Variants in SLC29A4 observed in about 807,000 individuals in gnomAD.
SLC29A4 encodes equilibrative nucleoside transporter 4.
SLC29A4 carries 36 observed loss-of-function variants against 43.9 expected under a neutral mutation model. The observed-to-expected ratio is 0.82, with a 90% CI of 0.63 to 1.08. The LOEUF (loss-of-function observed/expected upper bound fraction) is 1.08. Ranked by LOEUF, SLC29A4 falls within the 50% of genes least tolerant of loss-of-function variation. The probability of loss-of-function intolerance (pLI) is 0.00; values close to 1 mark genes in which losing one functional copy is unlikely to be tolerated. For synonymous variants in SLC29A4, 491 were observed against 338.0 expected (o/e 1.45, Z -4.97); for missense variants, 869 against 755.3 (o/e 1.15, Z -1.77).
chr7:5,301,610 G>A (rs1299098716), intron 10 of SLC29A4, among the ~76,000 whole-genome samples: 1 of 152,234 alleles, frequency 6.6e-6, no homozygotes, highest in Non-Finnish European at 1.5e-5. Context: ...TGGGCATGGA[G>A]GTGAGTGAGG....
chr7:5,297,239 CTTCTCTGTCCCCA>C lies in SLC29A4; in HGVS notation c.882+42_882+54del, dbSNP rs1785768491. 5 of 1,488,772 alleles carry C rather than the reference CTTCTCTGTCCCCA, an allele frequency of 3.4e-6. No homozygotes were observed. The East Asian group carries it at 1.2e-4, about 36-fold the overall frequency. 92.2% of individuals were successfully genotyped at this position (1,488,772 alleles called of 1,614,324 possible). ...CCACCTCTGTTCCCTTCTCTGTCCCCTTCTCTGTCCCCACCGCTTCGTCGGGAAGTACCTGGGG... is the reference window on the plus strand; with the variant it reads ...CCACCTCTGTTCCCTTCTCTGTCCCCCCGCTTCGTCGGGAAGTACCTGGGG... On this transcript the variant is annotated intron_variant, in intron 7 of 10. Transcript: ENST00000396872.
At chr7:5,300,728 A>G in intron 10 of SLC29A4, 66 bp downstream of exon 10, 50 of 1,569,406 alleles carry the variant, frequency 3.2e-5, no homozygotes, top group Non-Finnish European at 4.3e-5. Context: ...CTCGCGAGGA[A>G]ACCCAGGCTA....
At chr7:5,291,005 C>T (rs1785267993) in intron 3 of SLC29A4, 119 bp from the exon 4 acceptor site, 1 of 1,522,550 alleles carries the variant, frequency 6.6e-7, no homozygotes, top group East Asian at 2.3e-5. Flanking sequence ...GCTGAGTGAC[C>T]TCAGGGCAGC....
At chr7:5,288,298 C>CTTTTTTTTTTTTTT (rs34436127) in intron 2 of SLC29A4, among the ~76,000 whole-genome samples, 1 of 68,756 alleles carries the variant, frequency 1.5e-5, no homozygotes, top group Non-Finnish European at 2.6e-5. Context: ...CGTACAGCTT[C>CTTTTTTTTTTTTTT]TTTTTTTTTT....
At position 5,296,998 on chromosome 7, in the gene SLC29A4, C is replaced by G. The variant is rs1395401364; in HGVS notation, c.682C>G (p.Arg228Gly). ...CACGAAGCTGCTGCTGCCCGACGAG[C>G]GCGCCAGCACGCTCATCTTCTTCCT... ...ILTKLLLPDE[R>G]ASTLIFFLVS... The change falls in exon 7 of 11, where the codon CGC (arginine) becomes GGC (glycine). Residue 228 changes from arginine to glycine, a missense_variant. Transcript: ENST00000396872. The G allele has an allele frequency of 5.0e-6, 8 of 1,604,036 alleles. No individual in the cohort carries two copies. Among genetic ancestry groups the G allele is most frequent in the Admixed American group, 1.7e-5 (1 of 59,942 alleles).
Position 5,296,995 on chromosome 7 carries a change from G to C in SLC29A4, c.679G>C (p.Glu227Gln). 2.5e-6 allele frequency: 4 copies of C among 1,604,018 alleles called. No individual in the cohort carries two copies. Among genetic ancestry groups the C allele is most frequent in the Non-Finnish European group, 3.4e-6 (4 of 1,179,608 alleles). Residue 227 changes from glutamate to glutamine, a missense_variant, in exon 7 of 11, where the codon GAG becomes CAG. Glu to Gln is a conservative substitution (Grantham distance 29, BLOSUM62 2). Coordinates refer to ENST00000396872, the MANE Select transcript of SLC29A4 (RefSeq NM_153247.4). ...RILTKLLLPD[E>Q]RASTLIFFLV... The stretch of plus-strand genomic sequence containing the variant: ...CCTCACGAAGCTGCTGCTGCCCGAC[G>C]AGCGCGCCAGCACGCTCATCTTCTT...
At chr7:5,302,010 G>A (rs988714033) in intron 10 of SLC29A4, among the ~76,000 whole-genome samples, 2 of 152,146 alleles carry the variant, frequency 1.3e-5, no homozygotes, top group African/African-American at 2.4e-5. Flanking sequence ...GAGTGCAGTG[G>A]CACGATCTCA....
intron 10 of SLC29A4, 127 bp from the exon 11 acceptor site, chr7:5,302,670 G>C (rs1212959513): frequency 7.7e-6 from 7 of 905,522 alleles, no homozygotes; most frequent in African/African-American, 1.7e-5. Flanking sequence ...CAGGAGGAGC[G>C]ATGGGGCAGC....
chr7:5,288,503 A>T (rs1785104803), intron 2 of SLC29A4, among the ~76,000 whole-genome samples: 1 of 151,172 alleles, frequency 6.6e-6, no homozygotes, highest in Non-Finnish European at 1.5e-5. Context: ...ACGGGGTTTC[A>T]CCGTGGTCTC....
chr7:5,297,005 G>A lies in SLC29A4; in HGVS notation c.689G>A (p.Ser230Asn). Reference sequence around the variant, plus strand: ...CTGCTGCTGCCCGACGAGCGCGCCAGCACGCTCATCTTCTTCCTGGTGTCG... The same window carrying A: ...CTGCTGCTGCCCGACGAGCGCGCCAACACGCTCATCTTCTTCCTGGTGTCG... Reference protein sequence around the residue: ...TKLLLPDERASTLIFFLVSVA... With the variant: ...TKLLLPDERANTLIFFLVSVA... The change falls in exon 7 of 11, where the codon AGC becomes AAC. Residue 230 changes from serine (S) to asparagine (N), a missense_variant. By Grantham distance (46) the Ser-to-Asn change is conservative. Coordinates refer to ENST00000396872, the MANE Select transcript of SLC29A4 (RefSeq NM_153247.4). 1 of 1,604,990 alleles carries A rather than the reference G, an allele frequency of 6.2e-7. No homozygotes were observed. The highest frequency in any genetic ancestry group is 1.1e-5 in the South Asian group (1 of 91,006).
At chr7:5,296,141 C>T (rs542552102) in intron 6 of SLC29A4, among the ~76,000 whole-genome samples, 2 of 152,196 alleles carry the variant, frequency 1.3e-5, no homozygotes, top group Non-Finnish European at 2.9e-5. Context: ...CCAGGCTGCA[C>T]TCCCGGCCCT....
intron 10 of SLC29A4, among the ~76,000 whole-genome samples, chr7:5,301,992 C>G (rs1033231888): frequency 2.6e-5 from 4 of 152,138 alleles, no homozygotes; most frequent in African/African-American, 7.2e-5. Context: ...GCTCTGTTCC[C>G]CAGGCTGGAG....
Position 5,302,847 on chromosome 7 carries a change from G to A in SLC29A4, c.1501G>A (p.Val501Met), listed in dbSNP as rs1160398100. ...YMSGLTLGSA[V>M]AYCTYSLTRD... is the part of the protein sequence containing the mutation. ...GTCAGGGCTGACGCTGGGGTCCGCC[G>A]TGGCCTACTGCACCTACAGCCTCAC... Residue 501 changes from valine (V) to methionine (M), a missense_variant, in exon 11 of 11, where the codon GTG becomes ATG. By Grantham distance (21) the Val-to-Met change is conservative. Coordinates refer to ENST00000396872, the MANE Select transcript of SLC29A4 (RefSeq NM_153247.4). 3.1e-6 allele frequency: 5 copies of A among 1,590,692 alleles called. No homozygotes were observed. The highest frequency in any genetic ancestry group is 1.1e-5 in the South Asian group (1 of 87,294).
chr7:5,290,938 C>A (rs1218991674), intron 3 of SLC29A4, 75 bp downstream of exon 3: 1 of 1,556,070 alleles, frequency 6.4e-7, no homozygotes, highest in African/African-American at 1.4e-5. Flanking sequence ...AAACCCCCGG[C>A]GGGGAGGGTC....
At chr7:5,288,798 A>G (rs6958502) in intron 2 of SLC29A4, among the ~76,000 whole-genome samples, 124,493 of 152,068 alleles carry the variant, frequency 0.82, 51,468 homozygotes, top group African/African-American at 0.89. Flanking sequence ...ACCACATTGA[A>G]GAATTGGGCC....
chr7:5,286,901 C>G (rs905521071), intron 1 of SLC29A4, among the ~76,000 whole-genome samples: 1 of 152,224 alleles, frequency 6.6e-6, no homozygotes, highest in African/African-American at 2.4e-5. Context: ...CAGCGCGGTG[C>G]AGGCACGCGT....
rs77039967 is a variant in SLC29A4, at chr7:5,287,933, G to A, written c.117G>A (p.Ala39=). The A allele has an allele frequency of 0.024, 38,080 of 1,611,404 alleles. 1,313 individuals are homozygous for A. The highest frequency in any genetic ancestry group is 0.13 in the East Asian group (5,879 of 44,870). The change falls in exon 2 of 11, where the codon GCG becomes GCA. Residue 39 remains alanine (A), a synonymous_variant. Coordinates refer to ENST00000396872, the MANE Select transcript of SLC29A4 (RefSeq NM_153247.4). ...DSHQLEEAAE[A]AQGQGLRARG... The stretch of plus-strand genomic sequence containing the variant: ...ACCAGCTGGAGGAGGCGGCGGAGGC[G>A]GCTCAGGGCCAGGGCCTTAGGGCCA...
At position 5,299,106 on chromosome 7, in the gene SLC29A4, G is replaced by A. The variant is rs544632146; in HGVS notation, c.1001G>A (p.Arg334His). ...RFDVPRPRVQ[R>H]SWPTFRALLL... ...GATGTGCCGCGGCCAAGGGTCCAGC[G>A]CAGCTGGCCCACCTTCAGAGGTGAG... Residue 334 changes from arginine (R) to histidine (H), a missense_variant, in exon 8 of 11, where the codon CGC (arginine) becomes CAC (histidine). Physicochemically the swap from Arg to His is conservative, Grantham distance 29. Coordinates refer to ENST00000396872, the MANE Select transcript of SLC29A4 (RefSeq NM_153247.4). 99 of 1,610,186 alleles carry A rather than the reference G, an allele frequency of 6.1e-5. No individual in the cohort carries two copies. In the South Asian group the frequency reaches 7.6e-4, roughly 12 times the overall value.
In SLC29A4 at chr7:5,294,976, C is replaced by G. The variant is rs1310063294; in HGVS notation, c.619+42C>G. The G allele has an allele frequency of 3.2e-6, 5 of 1,546,476 alleles. No individual in the cohort carries two copies. In the South Asian group the frequency reaches 3.6e-5, roughly 11 times the overall value. On this transcript the variant is annotated intron_variant, in intron 6 of 10. Coordinates refer to ENST00000396872, the MANE Select transcript of SLC29A4 (RefSeq NM_153247.4). ...CCCCCGGGGAGGGGGTGCTGGGCTG[C>G]CCTGGGCTCTGGAAGCTTCTTCCCA... is the stretch of plus-strand genomic sequence containing the variant.
Sources: allele counts gnomAD v4.1 joint callset (sites outside exome capture counted in the v4.1 genomes callset), GRCh38; gene constraint gnomAD v4.1.1; transcripts MANE v1.5; gene names NCBI Gene and HGNC (gene_info 2026-07-23, HGNC 2026-07-21).